The following ANK2 variants were observed in gnomAD, a reference collection of about 807,000 sequenced individuals.
The protein encoded by ANK2 is ankyrin-2.
ANK2 carries 83 observed loss-of-function variants against 360.5 expected under a neutral mutation model. The ratio of observed to expected loss-of-function variants is 0.23; its 90% CI spans 0.19 to 0.28. The LOEUF is 0.28. Ranked by LOEUF, ANK2 falls within the 10% of genes least tolerant of loss-of-function variation. The pLI is 1.00. For synonymous variants in ANK2, 1,740 were observed against 1,759.5 expected (o/e 0.99, Z 0.28); for missense variants, 4,201 against 4,795.7 (o/e 0.88, Z 3.66).
chr4:113,214,890 A>C (rs2099068854), intron 4 of ANK2, among the ~76,000 whole-genome samples: 1 of 152,222 alleles, frequency 6.6e-6, no homozygotes, highest in African/African-American at 2.4e-5. Flanking sequence ...GGCCCTTTAG[A>C]ATGGTGGATT....
intron 2 of ANK2, among the ~76,000 whole-genome samples, chr4:112,931,640 T>A (rs762483569): frequency 3.3e-5 from 5 of 152,016 alleles, no homozygotes; most frequent in Non-Finnish European, 7.4e-5. Context: ...GGTTTCACCT[T>A]GTTGGCCAGG....
In ANK2 at chr4:112,885,796, C is replaced by CAAAAA. The variant is rs750277917; in HGVS notation, c.-39-18634_-39-18630dup. ...TGGGGGACAGAGCAAGACTCTGTCT[C>CAAAAA]AAAAAAAAAAAAAAAAAAAAAAAAA... On this transcript the variant is annotated intron_variant, in intron 1 of 30. Transcript: ENST00000503271. Among the ~76,000 whole-genome samples the CAAAAA allele has an allele frequency of 1.0e-3, 28 of 26,934 alleles. 2 individuals are homozygous for CAAAAA. The highest frequency in any genetic ancestry group is 2.4e-3 in the African/African-American group (21 of 8,778). 17.7% of individuals were successfully genotyped at this position (26,934 alleles called of 152,430 possible). A position where few individuals can be genotyped will look rare whatever the true frequency, so the allele number is the denominator to read the frequency against.
intron 1 of ANK2, among the ~76,000 whole-genome samples, chr4:113,050,812 C>T (rs1490645722): frequency 2.0e-5 from 3 of 152,104 alleles, no homozygotes; most frequent in Non-Finnish European, 2.9e-5. Context: ...GAATATTTTT[C>T]ATTTTGCTAA....
rs553324580 is a variant in ANK2 at position 113,355,749 on chromosome 4, C to A, written c.7131C>A (p.Asp2377Glu). The part of the protein sequence containing the change: ...SEVQESTATS[D>E]ETKALPLPEA... Reference sequence around the variant, plus strand: ...TTCAAGAATCCACAGCCACCTCAGACGAGACAAAGGCCTTGCCGCTGCCTG... The same window carrying A: ...TTCAAGAATCCACAGCCACCTCAGAAGAGACAAAGGCCTTGCCGCTGCCTG... Residue 2377 changes from aspartate to glutamate, a missense_variant, in exon 38 of 46, where the codon GAC becomes GAA. By Grantham distance (45) the Asp-to-Glu change is conservative. Coordinates refer to ENST00000357077, the MANE Select transcript of ANK2 (RefSeq NM_001148.6). The A allele has an allele frequency of 1.2e-6, 2 of 1,614,060 alleles. No individual in the cohort carries two copies. Among genetic ancestry groups the A allele is most frequent in the Non-Finnish European group, 1.7e-6 (2 of 1,179,954 alleles).
At chr4:112,763,259 T>C in the ANK2 span, among the ~76,000 whole-genome samples, 54,062 of 150,110 alleles carry the variant, frequency 0.36, 10,060 homozygotes, top group East Asian at 0.62. Flanking sequence ...AGACGGAGTC[T>C]CGCTCTGTCG....
Position 113,336,709 on chromosome 4 carries a change from G to A in ANK2, c.3724G>A (p.Ala1242Thr). The A allele has an allele frequency of 1.2e-6, 2 of 1,614,100 alleles. No homozygotes were observed. The highest frequency in any genetic ancestry group is 1.7e-6 in the Non-Finnish European group (2 of 1,180,020). The part of the protein sequence containing the change: ...PITMTIPVPK[A>T]SSDVMLNGFG... ...TACCATGACCATTCCTGTCCCCAAA[G>A]CTTCAAGTGATGTCATGTTGAATGG... Residue 1242 changes from alanine (A) to threonine (T), a missense_variant, in exon 31 of 46, where the codon GCT becomes ACT. Ala to Thr is a moderately conservative substitution (Grantham distance 58). This residue lies in a region of ANK2 where 1,268 missense variants were observed against 1,650.8 expected (regional missense o/e 0.77). Coordinates refer to ENST00000357077, the MANE Select transcript of ANK2 (RefSeq NM_001148.6).
chr4:112,729,741 CTG>C, the ANK2 span, among the ~76,000 whole-genome samples: 1 of 142,972 alleles, frequency 7.0e-6, no homozygotes, highest in East Asian at 2.0e-4. Context: ...GAGAGAGACT[CTG>C]TCTCAAAAAA....
chr4:112,716,115 G>A, the ANK2 span, among the ~76,000 whole-genome samples: 2 of 152,126 alleles, frequency 1.3e-5, no homozygotes, highest in Non-Finnish European at 2.9e-5. Flanking sequence ...GATTAGACAC[G>A]GAAGTCAGAA....
intron 2 of ANK2, among the ~76,000 whole-genome samples, chr4:113,024,683 C>A (rs562134806): frequency 6.6e-6 from 1 of 152,242 alleles, no homozygotes; most frequent in Non-Finnish European, 1.5e-5. Context: ...TGGCATTATG[C>A]AAATTTAAAT....
intron 2 of ANK2, among the ~76,000 whole-genome samples, chr4:112,960,180 A>G (rs984616964): frequency 2.0e-5 from 3 of 152,176 alleles, no homozygotes; most frequent in Non-Finnish European, 2.9e-5. Flanking sequence ...CGTAAAGCCC[A>G]TCTGTGTCAG....
chr4:112,936,437 C>T lies in ANK2; in HGVS notation c.21+31923C>T, dbSNP rs116026345. On this transcript the variant is annotated intron_variant, in intron 2 of 30. Coordinates refer to the ANK2 transcript ENST00000503271. ...CTCAGCTCACTGCAGCCTCCGCCTC[C>T]GGCGTTCAAGCGATCCTCCTGCCTC... Among the ~76,000 whole-genome samples, 1,003 of 152,134 alleles carry T rather than the reference C, an allele frequency of 6.6e-3. 11 individuals carry two copies. The highest frequency in any genetic ancestry group is 0.023 in the African/African-American group (949 of 41,502).
chr4:113,201,900 A>G (rs1562847905), intron 4 of ANK2, among the ~76,000 whole-genome samples: 1 of 152,204 alleles, frequency 6.6e-6, no homozygotes, highest in African/African-American at 2.4e-5. Flanking sequence ...TATCATTATT[A>G]AGACGTTAAA....
intron 4 of ANK2, among the ~76,000 whole-genome samples, chr4:113,212,256 G>C (rs574038796): frequency 6.6e-6 from 1 of 151,750 alleles, no homozygotes; most frequent in South Asian, 2.1e-4. Context: ...TTTCATATTT[G>C]GTGCAATTAC....
At chr4:113,333,663 T>TA (rs1387051918) in intron 29 of ANK2, among the ~76,000 whole-genome samples, 3 of 152,222 alleles carry the variant, frequency 2.0e-5, no homozygotes, top group South Asian at 4.1e-4. Flanking sequence ...TTGGAAAACT[T>TA]ACATCTACCC....
the ANK2 span, among the ~76,000 whole-genome samples, chr4:112,731,040 G>T: frequency 6.6e-6 from 1 of 152,058 alleles, no homozygotes; most frequent in Admixed American, 6.6e-5. Flanking sequence ...TACTCAGGAG[G>T]CTGAGGCAGG....
intron 1 of ANK2, among the ~76,000 whole-genome samples, chr4:112,897,915 A>G (rs564458802): frequency 6.6e-6 from 1 of 152,306 alleles, no homozygotes; most frequent in African/African-American, 2.4e-5. Flanking sequence ...TGAAGAAAAT[A>G]TGCATATTCT....
chr4:113,032,398 T>A (rs1299256681), intron 2 of ANK2, among the ~76,000 whole-genome samples: 1 of 152,050 alleles, frequency 6.6e-6, no homozygotes, highest in Admixed American at 6.6e-5. Context: ...GTGGATACTG[T>A]CTTGCCTCTG....
At chr4:112,920,357 G>A (rs1318287603) in intron 2 of ANK2, among the ~76,000 whole-genome samples, 1 of 152,192 alleles carries the variant, frequency 6.6e-6, no homozygotes, top group Non-Finnish European at 1.5e-5. Flanking sequence ...CATGACATTA[G>A]AGTGGGAAAT....
chr4:112,991,436 T>G (rs1183873544), intron 2 of ANK2, among the ~76,000 whole-genome samples: 2 of 152,018 alleles, frequency 1.3e-5, no homozygotes. Context: ...ACCCAGAAAT[T>G]TATTTAATTC....
Sources: gnomAD v4.1 joint callset for allele counts (sites outside exome capture counted in the v4.1 genomes callset) on GRCh38, gnomAD v4.1.1 for gene constraint, gnomAD v4.1.1 regional missense constraint, MANE v1.5 for transcripts, NCBI Gene and HGNC (gene_info 2026-07-23, HGNC 2026-07-21) for gene names.